MAP4K4: variants seen among roughly 807,000 people sequenced by gnomAD.
The protein encoded by MAP4K4 is HPK/GCK-like kinase HGK.
A neutral mutation model predicts 189.6 loss-of-function variants in MAP4K4; 38 were observed. That is an observed-to-expected ratio of 0.20 (90% CI 0.15 to 0.26). The LOEUF (loss-of-function observed/expected upper bound fraction) is 0.26, where lower values mean the gene tolerates loss of function less well. Ranked by LOEUF, MAP4K4 falls within the 10% of genes least tolerant of loss-of-function variation. The pLI, the probability that MAP4K4 is intolerant of heterozygous loss-of-function variation, is 1.00. For missense variants in MAP4K4, 1,054 were observed against 1,726.9 expected (o/e 0.61, Z 6.91); for synonymous variants, 610 against 624.3 (o/e 0.98, Z 0.34).
chr2:101,707,503 CT>C (rs1246751953), intron 2 of MAP4K4, among the ~76,000 whole-genome samples: 1 of 152,044 alleles, frequency 6.6e-6, no homozygotes, highest in Non-Finnish European at 1.5e-5. Flanking sequence ...ACCACTGCCC[CT>C]GGTCTGCCTG....
chr2:101,780,279 T>C (rs2086670025), intron 2 of MAP4K4, among the ~76,000 whole-genome samples: 1 of 152,156 alleles, frequency 6.6e-6, no homozygotes, highest in Non-Finnish European at 1.5e-5. Context: ...TCTCTTGCCT[T>C]TTGATTTGTG....
At chr2:101,852,466 A>C (rs924097899) in intron 12 of MAP4K4, among the ~76,000 whole-genome samples, 1 of 152,158 alleles carries the variant, frequency 6.6e-6, no homozygotes, top group Non-Finnish European at 1.5e-5. Context: ...TCCTGCTTTC[A>C]AGACGTTTGG....
At chr2:101,724,334 G>A (rs768760747) in intron 2 of MAP4K4, among the ~76,000 whole-genome samples, 8 of 152,132 alleles carry the variant, frequency 5.3e-5, no homozygotes, top group Non-Finnish European at 1.2e-4. Flanking sequence ...CTCAGTAGTA[G>A]TACACTGGCA....
At chr2:101,792,602 TC>T in intron 3 of MAP4K4, among the ~76,000 whole-genome samples, 1 of 140,090 alleles carries the variant, frequency 7.1e-6, no homozygotes. Flanking sequence ...CTCCTTCTCC[TC>T]CTCCTCCTCC....
chr2:101,835,100 A>G (rs1402214428), intron 8 of MAP4K4, among the ~76,000 whole-genome samples: 1 of 152,234 alleles, frequency 6.6e-6, no homozygotes, highest in Non-Finnish European at 1.5e-5. Context: ...ATGAATGAAA[A>G]TAATTATCGA....
chr2:101,735,283 G>T (rs1441596862), intron 2 of MAP4K4, among the ~76,000 whole-genome samples: 1 of 152,108 alleles, frequency 6.6e-6, no homozygotes, highest in Non-Finnish European at 1.5e-5. Flanking sequence ...GGGGCAAATG[G>T]TCACCTACAG....
At chr2:101,788,339 T>C (rs745936201) in intron 2 of MAP4K4, among the ~76,000 whole-genome samples, 7 of 152,218 alleles carry the variant, frequency 4.6e-5, no homozygotes, top group Middle Eastern at 3.4e-3. Context: ...CCTTATAGAC[T>C]CTCTGCACTT....
At chr2:101,837,451 C>T (rs2096791878) in intron 9 of MAP4K4, among the ~76,000 whole-genome samples, 1 of 152,058 alleles carries the variant, frequency 6.6e-6, no homozygotes, top group South Asian at 2.1e-4. Context: ...TCTTTAACCA[C>T]ATTTGTCTCC....
intron 11 of MAP4K4, among the ~76,000 whole-genome samples, chr2:101,843,633 G>A (rs1576620598): frequency 6.6e-6 from 1 of 152,098 alleles, no homozygotes; most frequent in Non-Finnish European, 1.5e-5. Context: ...CGTAGGACCC[G>A]CTTGGGCTCA....
intron 12 of MAP4K4, among the ~76,000 whole-genome samples, chr2:101,855,675 C>T (rs545166253): frequency 7.9e-5 from 12 of 152,040 alleles, no homozygotes; most frequent in African/African-American, 1.7e-4. Context: ...ATGATATCCA[C>T]GAATAAAGAA....
chr2:101,816,355 A>G (rs1349768086), intron 3 of MAP4K4, among the ~76,000 whole-genome samples: 1 of 152,192 alleles, frequency 6.6e-6, no homozygotes, highest in African/African-American at 2.4e-5. Flanking sequence ...CTGTGAGTGC[A>G]TGGATGAATC....
intron 8 of MAP4K4, among the ~76,000 whole-genome samples, chr2:101,835,498 G>A (rs745865621): frequency 6.6e-6 from 1 of 152,146 alleles, no homozygotes; most frequent in Admixed American, 6.5e-5. Context: ...GGGCCTAACT[G>A]TGCTCATTCT....
In MAP4K4 at chr2:101,781,025, G is replaced by A. The variant is rs145446886; in HGVS notation, c.124-9695G>A. 2.0e-4 allele frequency among the ~76,000 whole-genome samples: 31 copies of A among 152,342 alleles called. No homozygotes were observed. In the East Asian group the frequency reaches 5.8e-3, roughly 28 times the overall value. ...AAGTGAGCAAAGAGCAGCTGCGTAT[G>A]TGTAGTAAATACTAGTGATAGCTGC... On this transcript the variant is annotated intron_variant, in intron 2 of 32. Coordinates refer to ENST00000324219, the Ensembl canonical transcript of MAP4K4.
intron 2 of MAP4K4, among the ~76,000 whole-genome samples, chr2:101,756,009 C>T (rs772740241): frequency 3.0e-5 from 4 of 132,238 alleles, no homozygotes; most frequent in Non-Finnish European, 4.6e-5. Flanking sequence ...GGTGCGATGT[C>T]GGCTCACTGC....
chr2:101,838,946 G>A (rs2096841734), intron 9 of MAP4K4, among the ~76,000 whole-genome samples: 1 of 152,146 alleles, frequency 6.6e-6, no homozygotes, highest in Admixed American at 6.5e-5. Context: ...TGAGATGTAG[G>A]AACCAGTTTT....
At chr2:101,803,263 G>GTGTGTA (rs755951852) in intron 3 of MAP4K4, among the ~76,000 whole-genome samples, 2 of 142,880 alleles carry the variant, frequency 1.4e-5, no homozygotes, top group South Asian at 2.2e-4. Context: ...GTGTGTGTGT[G>GTGTGTA]TATGTATGTG....
exon 33 of MAP4K4, chr2:101,893,484 C>A: frequency 3.0e-6 from 1 of 335,258 alleles, no homozygotes; most frequent in South Asian, 2.4e-5. Context: ...AATTTATATC[C>A]ATGTTTAGGC....
chr2:101,768,106 A>G (rs1251292863), intron 2 of MAP4K4, among the ~76,000 whole-genome samples: 4 of 152,188 alleles, frequency 2.6e-5, no homozygotes, highest in African/African-American at 4.8e-5. Flanking sequence ...CAGTTACTTA[A>G]GCTGCCTCTC....
chr2:101,767,964 CTTG>C (rs1370971119), intron 2 of MAP4K4, among the ~76,000 whole-genome samples: 7 of 152,128 alleles, frequency 4.6e-5, no homozygotes, highest in Non-Finnish European at 7.4e-5. Context: ...TAAATCAAAA[CTTG>C]TTGTTGTTCC....
Sources: gnomAD v4.1 joint callset for allele counts (sites outside exome capture counted in the v4.1 genomes callset) on GRCh38, gnomAD v4.1.1 for gene constraint, MANE v1.5 for transcripts, NCBI Gene and HGNC (gene_info 2026-07-23, HGNC 2026-07-21) for gene names.